The following LTBP1 variants were observed in gnomAD, a reference collection of about 807,000 sequenced individuals.
LTBP1 encodes latent-transforming growth factor beta-binding protein 1.
A neutral mutation model predicts 207.6 loss-of-function variants in LTBP1; 129 were observed. The ratio of observed to expected loss-of-function variants is 0.62; its 90% CI spans 0.54 to 0.72. The LOEUF (loss-of-function observed/expected upper bound fraction) is 0.72. Ranked by LOEUF, LTBP1 falls within the 30% of genes least tolerant of loss-of-function variation. The pLI, the probability that LTBP1 is intolerant of heterozygous loss-of-function variation, is 0.00. For synonymous variants in LTBP1, 963 were observed against 833.7 expected (o/e 1.16, Z -2.67); for missense variants, 2,281 against 2,217.2 (o/e 1.03, Z -0.58).
At chr2:33,198,476 C>A (rs2088827270) in intron 7 of LTBP1, among the ~76,000 whole-genome samples, 1 of 152,116 alleles carries the variant, frequency 6.6e-6, no homozygotes, top group South Asian at 2.1e-4. Context: ...AGGAATGGTA[C>A]CAGTTCCTCC....
chr2:33,383,034 C>T (rs2095233797), intron 31 of LTBP1, among the ~76,000 whole-genome samples: 1 of 152,180 alleles, frequency 6.6e-6, no homozygotes, highest in African/African-American at 2.4e-5. Flanking sequence ...TTTCTAATTT[C>T]ATAACTTTTA....
In LTBP1 at chr2:33,227,945, T is replaced by C. The variant is rs563684994; in HGVS notation, c.1876+5794T>C. Among the ~76,000 whole-genome samples the C allele has an allele frequency of 1.5e-3, 226 of 151,484 alleles. 1 individual carries two copies. The highest frequency in any genetic ancestry group is 5.2e-3 in the African/African-American group (215 of 41,300). On this transcript the variant is annotated intron_variant, in intron 9 of 33. Transcript: ENST00000404816. ...TCAGCCTCCTGAGTAGCTGGGACTA[T>C]AGGCGCGCACCACCATGCCTGGCTA...
At chr2:33,255,803 C>A (rs1349169300) in intron 11 of LTBP1, among the ~76,000 whole-genome samples, 1 of 152,014 alleles carries the variant, frequency 6.6e-6, no homozygotes, top group African/African-American at 2.4e-5. Context: ...AATTTTAGGT[C>A]CCAGACATTC....
chr2:33,396,088 A>G (rs909111067), intron 32 of LTBP1, among the ~76,000 whole-genome samples: 2 of 152,058 alleles, frequency 1.3e-5, no homozygotes, highest in Non-Finnish European at 2.9e-5. Context: ...TCTAAAGTCT[A>G]GCTCTGACTT....
intron 23 of LTBP1, among the ~76,000 whole-genome samples, chr2:33,311,125 A>G (rs564411678): frequency 6.6e-6 from 1 of 152,166 alleles, no homozygotes; most frequent in African/African-American, 2.4e-5. Context: ...CTACTCTCTA[A>G]GATAGTGGCA....
intron 5 of LTBP1, among the ~76,000 whole-genome samples, chr2:33,149,254 A>AAAG (rs2083323324): frequency 6.7e-6 from 1 of 150,022 alleles, no homozygotes; most frequent in African/African-American, 2.4e-5. Flanking sequence ...AAAAAAAAAA[A>AAAG]AGAGAGGGAG....
chr2:32,981,290 A>G (rs895755233), intron 2 of LTBP1, among the ~76,000 whole-genome samples: 17 of 152,058 alleles, frequency 1.1e-4, no homozygotes, highest in South Asian at 6.2e-4. Flanking sequence ...GTTGTTTAGT[A>G]TAACTTATAA....
chr2:33,134,989 C>T lies in LTBP1; in HGVS notation c.1201+29C>T. The T allele has an allele frequency of 1.9e-6, 3 of 1,561,012 alleles. No individual in the cohort carries two copies. Among genetic ancestry groups the T allele is most frequent in the Non-Finnish European group, 8.7e-7 (1 of 1,153,504 alleles). ...AGTTCCTCCACGGTCCCTAACTGTC[C>T]TTACTGAGTCGAGTTTTATGAGATT... On this transcript the variant is annotated intron_variant, in intron 5 of 33. Coordinates refer to ENST00000404816, the MANE Select transcript of LTBP1 (RefSeq NM_206943.4). The surrounding 1 kb of genome is among the most constrained non-coding windows in gnomAD (Gnocchi z 4.4).
intron 11 of LTBP1, among the ~76,000 whole-genome samples, chr2:33,256,294 C>T (rs1309878472): frequency 2.0e-5 from 3 of 152,048 alleles, no homozygotes; most frequent in Non-Finnish European, 4.4e-5. Flanking sequence ...CAGCATGTCT[C>T]ACTCTCTAGA....
intron 2 of LTBP1, among the ~76,000 whole-genome samples, chr2:32,986,945 C>T (rs1683688534): frequency 6.6e-6 from 1 of 152,150 alleles, no homozygotes; most frequent in South Asian, 2.1e-4. Flanking sequence ...CTGAACCAAT[C>T]ACCTGGCCAG....
At position 33,239,330 on chromosome 2, in the gene LTBP1, A is replaced by T. The variant is rs552549375; in HGVS notation, c.1877-4332A>T. ...TGCCTGCCTGAACACAAAAGCTCAG[A>T]TGGGGATAGGGAATGGTGACTGGCT... On this transcript the variant is annotated intron_variant, in intron 9 of 33. Coordinates refer to ENST00000404816, the MANE Select transcript of LTBP1 (RefSeq NM_206943.4). 4.7e-4 allele frequency among the ~76,000 whole-genome samples: 72 copies of T among 152,236 alleles called. 1 individual carries two copies. The highest frequency in any genetic ancestry group is 1.6e-3 in the African/African-American group (68 of 41,550).
At chr2:33,127,521 AC>A (rs2081506468) in intron 4 of LTBP1, among the ~76,000 whole-genome samples, 1 of 150,978 alleles carries the variant, frequency 6.6e-6, no homozygotes, top group Non-Finnish European at 1.5e-5. Flanking sequence ...TTCATTTCCA[AC>A]CCCCGTATTC....
chr2:33,396,063 T>C (rs2095355329), intron 32 of LTBP1, among the ~76,000 whole-genome samples: 1 of 152,118 alleles, frequency 6.6e-6, no homozygotes, highest in Non-Finnish European at 1.5e-5. Context: ...TAAATTGTTT[T>C]TACATCACAA....
chr2:33,091,903 T>C (rs778217269), intron 3 of LTBP1, among the ~76,000 whole-genome samples: 4 of 152,206 alleles, frequency 2.6e-5, no homozygotes, highest in Admixed American at 6.5e-5. Flanking sequence ...TGTTCCCTGA[T>C]TGGGGCCTCC....
intron 3 of LTBP1, among the ~76,000 whole-genome samples, chr2:33,028,395 C>A (rs968718581): frequency 6.6e-6 from 1 of 152,150 alleles, no homozygotes; most frequent in Non-Finnish European, 1.5e-5. Context: ...AGAGGCCTAG[C>A]GTGGTGGCTC....
chr2:32,948,991 G>A (rs1676696116), intron 2 of LTBP1, 46 bp downstream of exon 2: 3 of 1,596,672 alleles, frequency 1.9e-6, no homozygotes, highest in African/African-American at 1.3e-5. Context: ...GGCAAAGTGG[G>A]GGGAGGTGTC....
At chr2:33,052,881 T>C (rs1266240494) in intron 3 of LTBP1, among the ~76,000 whole-genome samples, 1 of 12,382 alleles carries the variant, frequency 8.1e-5, no homozygotes, top group African/African-American at 1.1e-4. Context: ...AAAACAGGCT[T>C]TTTTTTTTTT....
At chr2:33,337,741 C>T (rs2094569309) in intron 24 of LTBP1, among the ~76,000 whole-genome samples, 1 of 152,192 alleles carries the variant, frequency 6.6e-6, no homozygotes, top group Non-Finnish European at 1.5e-5. Flanking sequence ...GTAGTTTTAA[C>T]AGAATCACCC....
chr2:33,312,974 G>T (rs558018318), intron 23 of LTBP1, among the ~76,000 whole-genome samples: 29 of 152,270 alleles, frequency 1.9e-4, no homozygotes, highest in African/African-American at 6.7e-4. Context: ...TAATTCTTGG[G>T]CAGCAGGTTG....
Sources: allele counts gnomAD v4.1 joint callset (sites outside exome capture counted in the v4.1 genomes callset), GRCh38; gene constraint gnomAD v4.1.1; non-coding constraint Gnocchi (gnomAD v3.1); transcripts MANE v1.5; gene names NCBI Gene and HGNC (gene_info 2026-07-23, HGNC 2026-07-21).